The following LMAN2 variants were observed in gnomAD, a reference collection of about 807,000 sequenced individuals.
LMAN2 encodes the protein lectin, mannose binding 2.
LMAN2 carries 22 observed loss-of-function variants against 39.3 expected under a neutral mutation model. The ratio of observed to expected loss-of-function variants is 0.56; its 90% CI spans 0.40 to 0.80. The LOEUF is 0.80. Among genes scored for constraint, LMAN2 ranks in the 30% least tolerant of loss-of-function variants. The pLI, the probability that LMAN2 is intolerant of heterozygous loss-of-function variation, is 0.00. For missense variants in LMAN2, 494 were observed against 505.4 expected, an observed-to-expected ratio of 0.98 and a Z score of 0.22; for synonymous variants, 207 against 207.8, an observed-to-expected ratio of 1.00 and a Z score of 0.03.
chr5:177,337,523 C>T lies in LMAN2; in HGVS notation c.515G>A (p.Arg172His), dbSNP rs770972790. 1.5e-5 allele frequency: 25 copies of T among 1,613,620 alleles called. No homozygotes were observed. The highest frequency in any genetic ancestry group is 1.8e-5 in the Non-Finnish European group (21 of 1,179,748). ...DTYPNDETTE[R>H]VFPYISVMVN... is the part of the protein sequence containing the mutation. ...CATCACCGAGATGTACGGGAACACGCGCTGGGACCAAGACATCGGTTACTC... is the reference window on the plus strand; with the variant it reads ...CATCACCGAGATGTACGGGAACACGTGCTGGGACCAAGACATCGGTTACTC... Residue 172 changes from arginine (R) to histidine (H), a missense_variant and splice_region_variant, in exon 5 of 8, where the codon CGC becomes CAC. By Grantham distance (29) the Arg-to-His change is conservative. Transcript: ENST00000303127. This position sits in a 1 kb window ranked among gnomAD's most constrained non-coding sequence, Gnocchi z 8.2.
chr5:177,346,461 G>GT (rs564565205), intron 2 of LMAN2: 3,436 of 280,734 alleles, frequency 0.012, 7 homozygotes, highest in African/African-American at 0.017. Flanking sequence ...ACCGGTTGTT[G>GT]TTTTTTTTTT....
intron 2 of LMAN2, 122 bp downstream of exon 2, chr5:177,351,051 G>C: frequency 1.2e-6 from 1 of 827,304 alleles, no homozygotes; most frequent in Non-Finnish European, 2.1e-6. Flanking sequence ...GTGTGACCGA[G>C]ATGAGGAAAA....
intron 2 of LMAN2, 72 bp from the exon 3 acceptor site, chr5:177,338,677 C>G (rs987328027): frequency 8.2e-7 from 1 of 1,216,250 alleles, no homozygotes; most frequent in Middle Eastern, 2.0e-4. Flanking sequence ...AACCCCAGCA[C>G]GGCCCCTGCC....
At chr5:177,335,982 C>G (rs971147322) in intron 6 of LMAN2, among the ~76,000 whole-genome samples, 17 of 152,118 alleles carry the variant, frequency 1.1e-4, no homozygotes, top group African/African-American at 4.1e-4. Context: ...TTAGAGGCAC[C>G]CCAGTGCTCG....
At position 177,337,906 on chromosome 5, in the gene LMAN2, CGAGA is replaced by C; in HGVS notation, c.434-125_434-122del. On this transcript the variant is annotated intron_variant, in intron 3 of 7. Transcript: ENST00000303127. The surrounding 1 kb of genome is among the most constrained non-coding windows in gnomAD (Gnocchi z 8.2). The stretch of plus-strand genomic sequence containing the variant: ...AGAGCCCAACCCACTGGCCATTCAC[CGAGA>C]GAGAAGGGATCGTGAAAGGAGAAAG... The C allele has an allele frequency of 1.3e-6, 1 of 785,970 alleles. No homozygotes were observed. Among genetic ancestry groups the C allele is most frequent in the Non-Finnish European group, 2.1e-6 (1 of 468,184 alleles). The allele number at this position is 785,970 out of a possible 1,614,324, so 48.7% of individuals were successfully genotyped here.
chr5:177,351,393 C>G, intron 1 of LMAN2, 59 bp downstream of exon 1: 1 of 1,604,164 alleles, frequency 6.2e-7, no homozygotes, highest in African/African-American at 1.3e-5. Flanking sequence ...GCACGCCTTC[C>G]CCTAGCCCTG....
chr5:177,335,829 G>A (rs971183229), intron 6 of LMAN2, among the ~76,000 whole-genome samples: 5 of 152,164 alleles, frequency 3.3e-5, no homozygotes, highest in Non-Finnish European at 7.4e-5. Context: ...AGGATAAACC[G>A]CCCATGTCAG....
chr5:177,337,915 A>T lies in LMAN2; in HGVS notation c.434-130T>A. 6.8e-6 allele frequency: 5 copies of T among 737,976 alleles called. No homozygotes were observed. Among genetic ancestry groups the T allele is most frequent in the Middle Eastern group, 5.8e-4 (2 of 3,474 alleles). The allele number at this position is 737,976 out of a possible 1,614,324, so 45.7% of individuals were successfully genotyped here. On this transcript the variant is annotated intron_variant, in intron 3 of 7. Transcript: ENST00000303127. This position sits in a 1 kb window ranked among gnomAD's most constrained non-coding sequence, Gnocchi z 8.2. ...CCCACTGGCCATTCACCGAGAGAGA[A>T]GGGATCGTGAAAGGAGAAAGCTGAG...
Position 177,332,386 on chromosome 5 carries a change from G to GGGTGAGTACGA in LMAN2, c.911-141_911-140insTCGTACTCACC. 1 of 757,854 alleles carries GGGTGAGTACGA rather than the reference G, an allele frequency of 1.3e-6. No individual in the cohort carries two copies. The highest frequency in any genetic ancestry group is 2.1e-6 in the Non-Finnish European group (1 of 468,006). The allele number at this position is 757,854 out of a possible 1,614,324, so 46.9% of individuals were successfully genotyped here. Reference sequence around the variant, plus strand: ...TACTCACCCCCCTCACCGGGGAGGGGCAGAGGTCAGGTGAAGCCCATCCCA... The same window carrying GGGTGAGTACGA: ...TACTCACCCCCCTCACCGGGGAGGGGGGTGAGTACGACAGAGGTCAGGTGAAGCCCATCCCA... On this transcript the variant is annotated intron_variant, in intron 7 of 7. Transcript: ENST00000303127. The surrounding 1 kb of genome is among the most constrained non-coding windows in gnomAD (Gnocchi z 6.3).
intron 3 of LMAN2, 80 bp downstream of exon 3, chr5:177,338,408 C>T: frequency 8.6e-7 from 1 of 1,166,398 alleles, no homozygotes; most frequent in Non-Finnish European, 1.3e-6. Flanking sequence ...CACAGGCAGC[C>T]CCACCCCACC....
chr5:177,337,456 C>T lies in LMAN2; in HGVS notation c.582G>A (p.Gly194=). Residue 194 remains glycine (G), a synonymous_variant, in exon 5 of 8, where the codon GGG becomes GGA. Transcript: ENST00000303127. This position sits in a 1 kb window ranked among gnomAD's most constrained non-coding sequence, Gnocchi z 8.2. The part of the protein sequence containing the change: ...GSLSYDHSKD[G]RWTELAGCTA... ...TGCAGCCCGCCAGCTCGGTCCAGCGCCCATCCTTGCTGTGGTCGTAGGACA... is the reference window on the plus strand; with the variant it reads ...TGCAGCCCGCCAGCTCGGTCCAGCGTCCATCCTTGCTGTGGTCGTAGGACA... 1.2e-6 allele frequency: 2 copies of T among 1,614,042 alleles called. No individual in the cohort carries two copies. Among genetic ancestry groups the T allele is most frequent in the Non-Finnish European group, 8.5e-7 (1 of 1,180,030 alleles).
chr5:177,335,860 G>C (rs920592110), intron 6 of LMAN2, among the ~76,000 whole-genome samples: 1 of 152,196 alleles, frequency 6.6e-6, no homozygotes, highest in Non-Finnish European at 1.5e-5. Flanking sequence ...TCACGTGCCA[G>C]TTCTGGTCAG....
intron 7 of LMAN2, among the ~76,000 whole-genome samples, 164 bp downstream of exon 7, chr5:177,334,120 T>TCGGACAGGGC (rs1295808151): frequency 2.6e-5 from 4 of 152,312 alleles, no homozygotes; most frequent in East Asian, 1.9e-4. Context: ...CTCTAGGAGC[T>TCGGACAGGGC]CGGACAGGGC....
rs926552074 is a variant in LMAN2 at position 177,337,402 on chromosome 5, G to T, written c.636C>A (p.Asp212Glu). 8 of 1,612,794 alleles carry T rather than the reference G, an allele frequency of 5.0e-6. No homozygotes were observed. Among genetic ancestry groups the T allele is most frequent in the Non-Finnish European group, 5.9e-6 (7 of 1,180,026 alleles). Reference protein sequence around the residue: ...CTADFRNRDHDTFLAVRYSRG... With the variant: ...CTADFRNRDHETFLAVRYSRG... ...GGGAGTAGCGCACAGCCAGGAAGGT[G>T]TCGTGATCGCGGTTGCGGAAGTCAG... Residue 212 changes from aspartate to glutamate, a missense_variant, in exon 5 of 8, where the codon GAC (aspartate) becomes GAA (glutamate). By Grantham distance (45) the Asp-to-Glu change is conservative. Transcript: ENST00000303127. This position sits in a 1 kb window ranked among gnomAD's most constrained non-coding sequence, Gnocchi z 8.2.
In LMAN2 at chr5:177,351,171, A is replaced by C. The variant is rs531468198; in HGVS notation, c.315+2T>G. On this transcript the variant is annotated splice_donor_variant, in intron 2 of 7. Coordinates refer to ENST00000303127, the MANE Select transcript of LMAN2 (RefSeq NM_006816.3). LOFTEE classifies it high-confidence loss of function. The stretch of plus-strand genomic sequence containing the variant: ...ACGCCTATCCTCTTGAGAACCACTC[A>C]CCTGGTGGTTCCAGATAGAGCCCTC... 6.2e-7 allele frequency: 1 copy of C among 1,612,426 alleles called. No homozygotes were observed. The highest frequency in any genetic ancestry group is 1.1e-5 in the South Asian group (1 of 91,036).
chr5:177,347,900 C>A (rs1377365112), intron 2 of LMAN2, among the ~76,000 whole-genome samples: 3 of 152,098 alleles, frequency 2.0e-5, no homozygotes, highest in African/African-American at 7.2e-5. Flanking sequence ...GGGAAGATTG[C>A]TTGAGTCCAA....
At position 177,337,253 on chromosome 5, in the gene LMAN2, G is replaced by A. The variant is rs1761488249; in HGVS notation, c.676-3C>T. On this transcript the variant is annotated splice_polypyrimidine_tract_variant and splice_region_variant and intron_variant, in intron 5 of 7. Coordinates refer to ENST00000303127, the MANE Select transcript of LMAN2 (RefSeq NM_006816.3). The surrounding 1 kb of genome is among the most constrained non-coding windows in gnomAD (Gnocchi z 8.2). Reference sequence around the variant, plus strand: ...TTGTCCTCCAGGTCGGTCATCACCTGCAGGGCCCAGCACGCTAAGCACCTC... The same window carrying A: ...TTGTCCTCCAGGTCGGTCATCACCTACAGGGCCCAGCACGCTAAGCACCTC... 1 of 1,613,648 alleles carries A rather than the reference G, an allele frequency of 6.2e-7. No individual in the cohort carries two copies. Among genetic ancestry groups the A allele is most frequent in the Non-Finnish European group, 8.5e-7 (1 of 1,179,854 alleles).
intron 3 of LMAN2, 36 bp downstream of exon 3, chr5:177,338,452 C>A (rs1561604645): frequency 6.3e-7 from 1 of 1,577,482 alleles, no homozygotes; most frequent in African/African-American, 1.3e-5. Flanking sequence ...CCCGTGCCCA[C>A]CCCCACAGGG....
chr5:177,342,423 C>T lies in LMAN2; in HGVS notation c.316-3818G>A, dbSNP rs118079765. Among the ~76,000 whole-genome samples, 90 of 152,270 alleles carry T rather than the reference C, an allele frequency of 5.9e-4. No homozygotes were observed. In the East Asian group the frequency reaches 0.016, roughly 27 times the overall value. On this transcript the variant is annotated intron_variant, in intron 2 of 7. Transcript: ENST00000303127. ...ACCTGGCCGGTTGCAGTGGCTCACA[C>T]CTGTAATCTGAAACACTTTGGGAGG...
Sources: gnomAD v4.1 joint callset for allele counts (sites outside exome capture counted in the v4.1 genomes callset) on GRCh38, gnomAD v4.1.1 for gene constraint, Gnocchi (gnomAD v3.1) non-coding constraint, MANE v1.5 for transcripts, NCBI Gene and HGNC (gene_info 2026-07-23, HGNC 2026-07-21) for gene names.